The following PAK2 variants were observed in gnomAD, a reference collection of about 807,000 sequenced individuals.
PAK2 encodes the protein serine/threonine-protein kinase PAK 2.
A neutral mutation model predicts 65.9 loss-of-function variants in PAK2; 21 were observed. The observed-to-expected ratio is 0.32, with a 90% CI of 0.23 to 0.46. The LOEUF is 0.46. Ranked by LOEUF, PAK2 falls within the 20% of genes least tolerant of loss-of-function variation. The probability of loss-of-function intolerance (pLI) is 1.00; values close to 1 mark genes in which losing one functional copy is unlikely to be tolerated. For synonymous variants in PAK2, 204 were observed against 219.7 expected (o/e 0.93, Z 0.63); for missense variants, 324 against 642.6 (o/e 0.50, Z 5.36).
chr3:196,823,035 A>G (rs1231179842), intron 13 of PAK2, among the ~76,000 whole-genome samples: 2 of 152,146 alleles, frequency 1.3e-5, no homozygotes, highest in African/African-American at 4.8e-5. Flanking sequence ...AAACTGTTAG[A>G]GAGATCTGAG....
chr3:196,830,626 C>T lies in PAK2; in HGVS notation c.*2221C>T, dbSNP rs1340935781. The T allele has an allele frequency of 2.6e-5, 4 of 152,192 alleles. No individual in the cohort carries two copies. Among genetic ancestry groups the T allele is most frequent in the African/African-American group, 7.2e-5 (3 of 41,454 alleles). The allele number at this position is 152,192 out of a possible 1,614,324, so 9.4% of individuals were successfully genotyped here. On this transcript the variant is annotated 3_prime_UTR_variant, in exon 15 of 15. Coordinates refer to ENST00000327134, the MANE Select transcript of PAK2 (RefSeq NM_002577.4). ...AGCAGTTTGGGATTTGTAGTTGCGA[C>T]TTCTTCGATAGTTACCTGCACGTCC...
At chr3:196,814,646 A>G (rs1715934588) in intron 11 of PAK2, 78 bp downstream of exon 11, 3 of 725,172 alleles carry the variant, frequency 4.1e-6, no homozygotes, top group African/African-American at 1.8e-5. Flanking sequence ...TTTTCTGCAC[A>G]GGTAATTGTT....
At chr3:196,743,851 C>A (rs1342654199) in intron 1 of PAK2, among the ~76,000 whole-genome samples, 1 of 152,140 alleles carries the variant, frequency 6.6e-6, no homozygotes, top group Non-Finnish European at 1.5e-5. Context: ...CACTGCACTT[C>A]AGCCTGGGTG....
At chr3:196,823,568 C>A (rs28376349) in intron 13 of PAK2, among the ~76,000 whole-genome samples, 24,386 of 149,202 alleles carry the variant, frequency 0.16, 2,136 homozygotes, top group African/African-American at 0.19. Context: ...AACAAACAAA[C>A]AAAAAAAACA....
At chr3:196,782,925 CAG>C (rs1560102540) in intron 2 of PAK2, 92 bp downstream of exon 2, 3 of 737,870 alleles carry the variant, frequency 4.1e-6, no homozygotes, top group African/African-American at 1.8e-5. Flanking sequence ...AACATTAAAA[CAG>C]ATCATGAAAA....
chr3:196,796,965 A>C (rs1310685972), intron 2 of PAK2, among the ~76,000 whole-genome samples: 1 of 152,210 alleles, frequency 6.6e-6, no homozygotes, highest in Non-Finnish European at 1.5e-5. Flanking sequence ...TTCAAGAAGA[A>C]ACAGACAAAT....
intron 4 of PAK2, among the ~76,000 whole-genome samples, chr3:196,805,091 A>G (rs1036354998): frequency 1.3e-5 from 2 of 152,102 alleles, no homozygotes; most frequent in African/African-American, 2.4e-5. Flanking sequence ...GGTATAATTT[A>G]CATGCAATAC....
chr3:196,811,219 C>T lies in PAK2; in HGVS notation c.773+566C>T, dbSNP rs1340228050. Among the ~76,000 whole-genome samples, 16 of 10,582 alleles carry T rather than the reference C, an allele frequency of 1.5e-3. 1 individual carries two copies. The highest frequency in any genetic ancestry group is 3.3e-3 in the South Asian group (1 of 304). The allele number at this position is 10,582 out of a possible 152,430, so 6.9% of individuals were successfully genotyped here. On this transcript the variant is annotated intron_variant, in intron 8 of 14. Transcript: ENST00000327134. ...CCTTCCTCCCTTCCTTCCCTTCCCTCCCTCCCTTCCCTTCCCTTCCTTCCC... is the reference window on the plus strand; with the variant it reads ...CCTTCCTCCCTTCCTTCCCTTCCCTTCCTCCCTTCCCTTCCCTTCCTTCCC...
At chr3:196,802,060 G>A (rs371465806) in intron 3 of PAK2, 33 bp downstream of exon 3, 60 of 1,033,340 alleles carry the variant, frequency 5.8e-5, no homozygotes, top group African/African-American at 1.7e-4. Context: ...CATTTATAAC[G>A]TTTAAAATAG....
rs1035547603 is a variant in PAK2 at position 196,777,325 on chromosome 3, G to T, written c.-21-5301G>T. On this transcript the variant is annotated intron_variant, in intron 1 of 14. Coordinates refer to ENST00000327134, the MANE Select transcript of PAK2 (RefSeq NM_002577.4). ...TTCAAGCTATTCTCCTGCCTCAGCCGCCCGAGTAGCTGGGACTACAGACAC... is the reference window on the plus strand; with the variant it reads ...TTCAAGCTATTCTCCTGCCTCAGCCTCCCGAGTAGCTGGGACTACAGACAC... 1.3e-5 allele frequency among the ~76,000 whole-genome samples: 2 copies of T among 151,814 alleles called. 1 individual carries two copies. The highest frequency in any genetic ancestry group is 4.2e-4 in the South Asian group (2 of 4,810).
In PAK2 at chr3:196,828,486, G is replaced by A; in HGVS notation, c.*81G>A. 5.8e-6 allele frequency: 5 copies of A among 863,432 alleles called. No individual in the cohort carries two copies. The highest frequency in any genetic ancestry group is 9.7e-6 in the Non-Finnish European group (5 of 517,522). The allele number at this position is 863,432 out of a possible 1,614,324, so 53.5% of individuals were successfully genotyped here. A position where few individuals can be genotyped will look rare whatever the true frequency, so the allele number is the denominator to read the frequency against. On this transcript the variant is annotated 3_prime_UTR_variant, in exon 15 of 15. Transcript: ENST00000327134. ...TATATGAAAATTATTACTCTTTTTG[G>A]GGTTTAAAGAAATGGTCTGCATAAC... is the stretch of plus-strand genomic sequence containing the variant.
chr3:196,787,713 G>A (rs779072903), intron 2 of PAK2, among the ~76,000 whole-genome samples: 3 of 152,164 alleles, frequency 2.0e-5, no homozygotes, highest in Non-Finnish European at 2.9e-5. Context: ...TTAGTTGCAT[G>A]TCGTTTTCAG....
intron 1 of PAK2, among the ~76,000 whole-genome samples, chr3:196,771,567 C>G (rs895142895): frequency 1.3e-5 from 2 of 150,412 alleles, no homozygotes; most frequent in African/African-American, 5.0e-5. Flanking sequence ...TTTTCTTTTT[C>G]TGTTTTTTTT....
rs539702350 is a variant in PAK2, at chr3:196,758,350, T to C, written c.-22+18193T>C. On this transcript the variant is annotated intron_variant, in intron 1 of 14. Transcript: ENST00000327134. ...TAAGCTAGTACTTGAAGTAGGTGTT[T>C]GCCAGGTGGAGGTGGTGGGCAGAAA... Among the ~76,000 whole-genome samples the C allele has an allele frequency of 1.2e-3, 180 of 152,382 alleles. 1 individual carries two copies. Among genetic ancestry groups the C allele is most frequent in the African/African-American group, 4.1e-3 (171 of 41,594 alleles).
intron 13 of PAK2, among the ~76,000 whole-genome samples, chr3:196,824,158 A>C (rs982456509): frequency 6.6e-6 from 1 of 152,186 alleles, no homozygotes; most frequent in Non-Finnish European, 1.5e-5. Context: ...AGAGAAAATC[A>C]TTAAGACTGT....
chr3:196,824,967 A>G (rs1343610642), intron 13 of PAK2, among the ~76,000 whole-genome samples: 1 of 152,152 alleles, frequency 6.6e-6, no homozygotes, highest in Non-Finnish European at 1.5e-5. Context: ...AAAACTCCAC[A>G]TTGGGGAGGT....
chr3:196,770,820 A>G (rs137882599), intron 1 of PAK2, among the ~76,000 whole-genome samples: 1,665 of 151,922 alleles, frequency 0.011, 21 homozygotes, highest in Non-Finnish European at 0.018. Flanking sequence ...TCAGGGCTTC[A>G]CTATGTTGAC....
In PAK2 at chr3:196,829,173, T is replaced by C. The variant is rs1711981966; in HGVS notation, c.*768T>C. On this transcript the variant is annotated 3_prime_UTR_variant, in exon 15 of 15. Transcript: ENST00000327134. ...GATAGAAAAAGATTCCCATTGACTG[T>C]AGACTTCTTCCCATTTTGTCTTCCC... 2 of 152,684 alleles carry C rather than the reference T, an allele frequency of 1.3e-5. No homozygotes were observed. The highest frequency in any genetic ancestry group is 6.5e-5 in the Admixed American group (1 of 15,272). The allele number at this position is 152,684 out of a possible 1,614,324, so 9.5% of individuals were successfully genotyped here.
chr3:196,825,972 T>C (rs1711850825), intron 13 of PAK2, among the ~76,000 whole-genome samples: 1 of 151,548 alleles, frequency 6.6e-6, no homozygotes, highest in Non-Finnish European at 1.5e-5. Flanking sequence ...GCCTCCCGAG[T>C]AGCTGGAACT....
Sources: gnomAD v4.1 joint callset for allele counts (sites outside exome capture counted in the v4.1 genomes callset) on GRCh38, gnomAD v4.1.1 for gene constraint, MANE v1.5 for transcripts, NCBI Gene and HGNC (gene_info 2026-07-23, HGNC 2026-07-21) for gene names.